The following FAM117B variants were observed in gnomAD, a reference collection of about 807,000 sequenced individuals.
FAM117B encodes the protein protein FAM117B.
FAM117B carries 22 observed loss-of-function variants against 52.8 expected under a neutral mutation model. The observed-to-expected ratio is 0.42, with a 90% confidence interval of 0.30 to 0.59. FAM117B has a LOEUF of 0.59. Ranked by LOEUF, FAM117B falls within the 20% of genes least tolerant of loss-of-function variation. FAM117B has a pLI of 0.22. For missense variants in FAM117B, 678 were observed against 802.6 expected, an observed-to-expected ratio of 0.84 and a Z score of 1.88; for synonymous variants, 309 against 324.1, an observed-to-expected ratio of 0.95 and a Z score of 0.50.
chr2:202,681,468 A>G (rs1054647620), intron 1 of FAM117B, among the ~76,000 whole-genome samples: 1 of 152,234 alleles, frequency 6.6e-6, no homozygotes, highest in African/African-American at 2.4e-5. Context: ...GCACTGTACA[A>G]AACTGAGCGT....
intron 1 of FAM117B, among the ~76,000 whole-genome samples, chr2:202,687,602 G>T (rs1246689888): frequency 2.0e-5 from 3 of 152,012 alleles, no homozygotes. Flanking sequence ...TAGAGATGGG[G>T]GTCTTACTGT....
intron 1 of FAM117B, among the ~76,000 whole-genome samples, chr2:202,640,402 A>G (rs12998774): frequency 0.025 from 3,549 of 141,814 alleles, 74 homozygotes; most frequent in South Asian, 0.09. Flanking sequence ...TTGTGTATAA[A>G]TTCGTTTGTT....
At chr2:202,679,708 A>G (rs867543165) in intron 1 of FAM117B, among the ~76,000 whole-genome samples, 1 of 152,226 alleles carries the variant, frequency 6.6e-6, no homozygotes, top group Non-Finnish European at 1.5e-5. Flanking sequence ...ACAAACTTTA[A>G]GGATCAAGTT....
intron 2 of FAM117B, among the ~76,000 whole-genome samples, chr2:202,696,431 A>C (rs1030760802): frequency 2.0e-5 from 3 of 152,212 alleles, no homozygotes; most frequent in African/African-American, 7.2e-5. Context: ...AAATTGCAAA[A>C]AATTCATAAT....
At chr2:202,725,608 C>T (rs138143292) in intron 3 of FAM117B, among the ~76,000 whole-genome samples, 34 of 152,216 alleles carry the variant, frequency 2.2e-4, no homozygotes, top group Middle Eastern at 3.4e-3. Context: ...CATGAGCCAC[C>T]GCACCTGGCC....
intron 2 of FAM117B, among the ~76,000 whole-genome samples, chr2:202,706,085 A>C (rs958344018): frequency 6.6e-6 from 1 of 152,150 alleles, no homozygotes; most frequent in African/African-American, 2.4e-5. Flanking sequence ...ATTCACAGGC[A>C]TAATCACCGT....
At chr2:202,765,216 A>G (rs986765495) in intron 7 of FAM117B, among the ~76,000 whole-genome samples, 4 of 152,176 alleles carry the variant, frequency 2.6e-5, no homozygotes, top group Non-Finnish European at 4.4e-5. Context: ...AGCAGCAATG[A>G]TGATGGGGGC....
At chr2:202,671,784 A>G (rs1222727546) in intron 1 of FAM117B, among the ~76,000 whole-genome samples, 1 of 152,166 alleles carries the variant, frequency 6.6e-6, no homozygotes, top group Non-Finnish European at 1.5e-5. Flanking sequence ...TTTGCTTTGC[A>G]TTAGGGTGGT....
At chr2:202,763,070 C>CTTT (rs11292183) in intron 7 of FAM117B, among the ~76,000 whole-genome samples, 1 of 106,972 alleles carries the variant, frequency 9.3e-6, no homozygotes, top group Non-Finnish European at 1.8e-5. Context: ...AGTCTTAAGT[C>CTTT]TTTTTTTTTT....
chr2:202,678,036 C>A (rs1690404060), intron 1 of FAM117B, among the ~76,000 whole-genome samples: 1 of 152,046 alleles, frequency 6.6e-6, no homozygotes. Flanking sequence ...CATCAGGAGT[C>A]AGTTTAATTT....
intron 2 of FAM117B, among the ~76,000 whole-genome samples, chr2:202,701,483 A>G (rs2105778936): frequency 6.6e-6 from 1 of 152,358 alleles, no homozygotes. Flanking sequence ...CTTATTATTA[A>G]GAAAATACAT....
At chr2:202,665,712 T>C (rs550805157) in intron 1 of FAM117B, among the ~76,000 whole-genome samples, 1 of 152,328 alleles carries the variant, frequency 6.6e-6, no homozygotes, top group South Asian at 2.1e-4. Context: ...GCAATTCTCC[T>C]GCCTCAGCCT....
chr2:202,739,991 G>A (rs1008289762), intron 4 of FAM117B, among the ~76,000 whole-genome samples: 1 of 151,404 alleles, frequency 6.6e-6, no homozygotes. Context: ...GGCTAACATG[G>A]TGAAACCCTG....
chr2:202,749,962 G>A (rs974305677), intron 4 of FAM117B, among the ~76,000 whole-genome samples: 1 of 152,050 alleles, frequency 6.6e-6, no homozygotes, highest in African/African-American at 2.4e-5. Context: ...GTCTCTTCAG[G>A]CAGCCATAAC....
chr2:202,656,239 T>C (rs1179070831), intron 1 of FAM117B, among the ~76,000 whole-genome samples: 1 of 152,206 alleles, frequency 6.6e-6, no homozygotes, highest in East Asian at 1.9e-4. Context: ...TCGTCTTTAT[T>C]TTCTTCCTCC....
Position 202,765,618 on chromosome 2 carries a change from A to G in FAM117B, c.1624A>G (p.Met542Val). The change falls in exon 8 of 8, where the codon ATG becomes GTG. Residue 542 changes from methionine (M) to valine (V), a missense_variant. Met to Val is a conservative substitution (Grantham distance 21). Transcript: ENST00000392238. ...CCACAGCCTGACAGTCACCACTGGC[A>G]TGACAACCACTCTGCTGCAGCCTAT... ...SGHSLTVTTGMTTTLLQPIAV... is the reference protein window; with the variant it reads ...SGHSLTVTTGVTTTLLQPIAV... 1 of 1,614,200 alleles carries G rather than the reference A, an allele frequency of 6.2e-7. No homozygotes were observed. The highest frequency in any genetic ancestry group is 8.5e-7 in the Non-Finnish European group (1 of 1,180,034).
intron 1 of FAM117B, among the ~76,000 whole-genome samples, chr2:202,668,544 A>G (rs910269507): frequency 1.3e-5 from 2 of 148,444 alleles, no homozygotes; most frequent in African/African-American, 4.9e-5. Flanking sequence ...AAAAAAAAAA[A>G]AAGAAAAAGA....
At chr2:202,718,651 CTA>C (rs1691099552) in intron 2 of FAM117B, among the ~76,000 whole-genome samples, 1 of 152,144 alleles carries the variant, frequency 6.6e-6, no homozygotes, top group South Asian at 2.1e-4. Context: ...CAAGGAGTAA[CTA>C]ATACATTTTT....
chr2:202,664,472 C>T (rs1690173891), intron 1 of FAM117B, among the ~76,000 whole-genome samples: 1 of 152,116 alleles, frequency 6.6e-6, no homozygotes, highest in Non-Finnish European at 1.5e-5. Flanking sequence ...GAGGCATTGG[C>T]CCTGGATACA....
Sources: gnomAD v4.1 joint callset for allele counts (sites outside exome capture counted in the v4.1 genomes callset) on GRCh38, gnomAD v4.1.1 for gene constraint, MANE v1.5 for transcripts, NCBI Gene and HGNC (gene_info 2026-07-23, HGNC 2026-07-21) for gene names.